The following SUSD4 variants were observed in gnomAD, a reference collection of about 807,000 sequenced individuals.
SUSD4 encodes sushi domain-containing protein 4.
Under a neutral mutation model 50.5 loss-of-function variants are expected in SUSD4, and 41 were observed. That is an observed-to-expected ratio of 0.81 (90% CI 0.63 to 1.05). The LOEUF is 1.05. Ranked by LOEUF, SUSD4 falls within the 50% of genes least tolerant of loss-of-function variation. The pLI, the probability that SUSD4 is intolerant of heterozygous loss-of-function variation, is 0.00. For synonymous variants in SUSD4, 257 were observed against 257.3 expected, an observed-to-expected ratio of 1.00 and a Z score of 0.01; for missense variants, 580 against 634.7, an observed-to-expected ratio of 0.91 and a Z score of 0.93.
At chr1:223,325,146 T>A (rs1034902926) in intron 2 of SUSD4, among the ~76,000 whole-genome samples, 4 of 152,138 alleles carry the variant, frequency 2.6e-5, no homozygotes, top group Admixed American at 2.0e-4. Flanking sequence ...GGCATCAGTA[T>A]CCCTTCTCTC....
chr1:223,261,197 T>C (rs2103066673), intron 5 of SUSD4, among the ~76,000 whole-genome samples: 1 of 152,334 alleles, frequency 6.6e-6, no homozygotes, highest in South Asian at 2.1e-4. Context: ...TCTCTGCTGC[T>C]GGGATTTCTC....
intron 5 of SUSD4, among the ~76,000 whole-genome samples, chr1:223,242,027 A>G (rs573751032): frequency 6.6e-6 from 1 of 152,242 alleles, no homozygotes; most frequent in South Asian, 2.1e-4. Context: ...CTGCAGCCTC[A>G]ACCTCCTGGG....
At chr1:223,336,710 T>A (rs537020917) in intron 2 of SUSD4, among the ~76,000 whole-genome samples, 1 of 152,338 alleles carries the variant, frequency 6.6e-6, no homozygotes, top group South Asian at 2.1e-4. Context: ...ATCCTTTTTT[T>A]TTTAAGGGAC....
chr1:223,280,095 A>G (rs1438528777), intron 3 of SUSD4, among the ~76,000 whole-genome samples: 1 of 152,214 alleles, frequency 6.6e-6, no homozygotes, highest in Non-Finnish European at 1.5e-5. Context: ...AGCACTAAAC[A>G]TGGAAAGGAA....
rs906677076 is a variant in SUSD4, at chr1:223,231,247, C to T, written c.725-1859G>A. Among the ~76,000 whole-genome samples the T allele has an allele frequency of 2.0e-5, 3 of 152,128 alleles. No homozygotes were observed. Among genetic ancestry groups the T allele is most frequent in the Non-Finnish European group, 4.4e-5 (3 of 68,006 alleles). ...CCTCCAGGCTCCCTCTGGACAAAGC[C>T]AGTGGGGAGCCAGGTGACAAGGGGG... On this transcript the variant is annotated intron_variant, in intron 5 of 8. Transcript: ENST00000366878. The surrounding 1 kb of genome is among the most constrained non-coding windows in gnomAD (Gnocchi z 4.2).
chr1:223,269,632 T>C (rs1662769266), intron 3 of SUSD4, among the ~76,000 whole-genome samples: 1 of 152,352 alleles, frequency 6.6e-6, no homozygotes, highest in South Asian at 2.1e-4. Flanking sequence ...GTTTCTGGTT[T>C]TATATGCATA....
chr1:223,266,168 G>A (rs1662477952), intron 4 of SUSD4, among the ~76,000 whole-genome samples: 1 of 152,212 alleles, frequency 6.6e-6, no homozygotes, highest in Admixed American at 6.5e-5. Context: ...GCAGATCATA[G>A]CTTTGAATTG....
chr1:223,309,732 G>C (rs138452932), intron 2 of SUSD4, among the ~76,000 whole-genome samples: 78 of 152,324 alleles, frequency 5.1e-4, no homozygotes, highest in African/African-American at 1.8e-3. Flanking sequence ...CCTGAGGCCT[G>C]GATGAAAGGC....
chr1:223,249,388 G>A (rs1485282636), intron 5 of SUSD4, among the ~76,000 whole-genome samples: 1 of 152,230 alleles, frequency 6.6e-6, no homozygotes, highest in Non-Finnish European at 1.5e-5. Flanking sequence ...AATGTTGCTA[G>A]TGTATCCACA....
intron 5 of SUSD4, among the ~76,000 whole-genome samples, chr1:223,241,968 G>A (rs948220073): frequency 5.3e-5 from 8 of 152,132 alleles, no homozygotes; most frequent in Non-Finnish European, 7.4e-5. Flanking sequence ...ATGAGACAGG[G>A]TCTTGCTCTG....
intron 2 of SUSD4, among the ~76,000 whole-genome samples, chr1:223,337,291 C>G (rs1283602534): frequency 6.6e-6 from 1 of 152,142 alleles, no homozygotes; most frequent in African/African-American, 2.4e-5. Flanking sequence ...TCTTCCATTG[C>G]TCAAACGTCA....
intron 5 of SUSD4, chr1:223,263,486 C>T: frequency 2.1e-6 from 2 of 936,236 alleles, no homozygotes; most frequent in Non-Finnish European, 2.5e-6. Context: ...TCTGGCATCT[C>T]TAGGCTAGGC....
At chr1:223,298,764 C>T (rs1664999573) in intron 2 of SUSD4, among the ~76,000 whole-genome samples, 1 of 152,250 alleles carries the variant, frequency 6.6e-6, no homozygotes, top group South Asian at 2.1e-4. Context: ...ATGGAAGTTA[C>T]AATGTGAGAG....
intron 3 of SUSD4, among the ~76,000 whole-genome samples, chr1:223,278,540 C>A (rs1663447938): frequency 1.3e-5 from 2 of 152,222 alleles, no homozygotes; most frequent in Admixed American, 6.5e-5. Flanking sequence ...ATTGCTGAGG[C>A]TTGAGAAGGT....
intron 2 of SUSD4, among the ~76,000 whole-genome samples, chr1:223,306,492 G>T (rs961964853): frequency 7.9e-5 from 12 of 152,066 alleles, no homozygotes; most frequent in African/African-American, 2.9e-4. Context: ...AGAAGGCATG[G>T]GTAATTTTTT....
intron 2 of SUSD4, among the ~76,000 whole-genome samples, chr1:223,343,095 A>G (rs1214748973): frequency 6.6e-6 from 1 of 152,228 alleles, no homozygotes; most frequent in Non-Finnish European, 1.5e-5. Flanking sequence ...TCTACACTCC[A>G]GGCACACTGG....
intron 2 of SUSD4, among the ~76,000 whole-genome samples, chr1:223,349,580 G>T (rs893325320): frequency 1.3e-5 from 2 of 152,208 alleles, no homozygotes; most frequent in African/African-American, 4.8e-5. Context: ...AATGTTTGAT[G>T]AATGACTTAA....
At chr1:223,349,670 A>G (rs1034354533) in intron 2 of SUSD4, among the ~76,000 whole-genome samples, 1 of 152,182 alleles carries the variant, frequency 6.6e-6, no homozygotes, top group African/African-American at 2.4e-5. Context: ...GTTTCATATG[A>G]CTACACCTTT....
chr1:223,305,983 A>C (rs1665513141), intron 2 of SUSD4, among the ~76,000 whole-genome samples: 1 of 152,228 alleles, frequency 6.6e-6, no homozygotes, highest in Non-Finnish European at 1.5e-5. Flanking sequence ...GTTTCAAGAA[A>C]TATTCAGAGA....
Sources: gnomAD v4.1 joint callset for allele counts (sites outside exome capture counted in the v4.1 genomes callset) on GRCh38, gnomAD v4.1.1 for gene constraint, Gnocchi (gnomAD v3.1) non-coding constraint, MANE v1.5 for transcripts, NCBI Gene and HGNC (gene_info 2026-07-23, HGNC 2026-07-21) for gene names.